GASK1A: variants seen among roughly 807,000 people sequenced by gnomAD.
GASK1A encodes the protein Golgi-associated kinase 1A.
Under a neutral mutation model 41.2 loss-of-function variants are expected in GASK1A, and 40 were observed. The observed-to-expected ratio is 0.97, with a 90% CI of 0.75 to 1.27. GASK1A has a LOEUF of 1.27. Among genes scored for constraint, GASK1A ranks in the 50% most tolerant of loss-of-function variants. The probability of loss-of-function intolerance (pLI) is 0.00; values close to 1 mark genes in which losing one functional copy is unlikely to be tolerated. For synonymous variants in GASK1A, 316 were observed against 307.1 expected, an observed-to-expected ratio of 1.03 and a Z score of -0.30; for missense variants, 678 against 745.1, an observed-to-expected ratio of 0.91 and a Z score of 1.05.
At chr3:42,998,707 C>T (rs1390703953) in intron 1 of GASK1A, among the ~76,000 whole-genome samples, 1 of 152,132 alleles carries the variant, frequency 6.6e-6, no homozygotes, top group African/African-American at 2.4e-5. Flanking sequence ...GCCCTCTCCT[C>T]CTGGTGGCTC....
intron 1 of GASK1A, among the ~76,000 whole-genome samples, chr3:43,027,022 T>C (rs1312413174): frequency 6.6e-6 from 1 of 152,098 alleles, no homozygotes; most frequent in Non-Finnish European, 1.5e-5. Context: ...CCAGGCAGGG[T>C]AAAAAATCAG....
At chr3:42,981,123 A>G (rs1242166741) in intron 1 of GASK1A, among the ~76,000 whole-genome samples, 2 of 152,142 alleles carry the variant, frequency 1.3e-5, no homozygotes, top group Non-Finnish European at 2.9e-5. Flanking sequence ...TCTGTGAGTC[A>G]TTGCAGCTTC....
chr3:43,006,726 T>C (rs1483928110), intron 1 of GASK1A, among the ~76,000 whole-genome samples: 1 of 152,206 alleles, frequency 6.6e-6, no homozygotes, highest in Non-Finnish European at 1.5e-5. Flanking sequence ...TGGAGGCTTA[T>C]GTGCTGTTAT....
intron 2 of GASK1A, among the ~76,000 whole-genome samples, chr3:43,040,045 G>T (rs921593171): frequency 6.6e-6 from 1 of 152,082 alleles, no homozygotes; most frequent in African/African-American, 2.4e-5. Flanking sequence ...AAATGACCAG[G>T]ATTTTCTCTG....
chr3:42,983,258 G>A (rs1559394987), intron 1 of GASK1A, among the ~76,000 whole-genome samples: 1 of 152,120 alleles, frequency 6.6e-6, no homozygotes, highest in Non-Finnish European at 1.5e-5. Flanking sequence ...GAGTCATGGA[G>A]GTGAAAATAC....
intron 1 of GASK1A, among the ~76,000 whole-genome samples, chr3:43,010,989 C>A (rs2089460566): frequency 6.6e-6 from 1 of 152,192 alleles, no homozygotes; most frequent in Non-Finnish European, 1.5e-5. Context: ...ACTCCCCCCT[C>A]TCCACCCACC....
intron 1 of GASK1A, among the ~76,000 whole-genome samples, chr3:43,006,667 T>C (rs565521): frequency 0.38 from 57,700 of 152,074 alleles, 11,436 homozygotes; most frequent in East Asian, 0.56. Context: ...TTTACAATGA[T>C]GTGCCTTGGT....
chr3:43,008,653 A>G (rs771745282), intron 1 of GASK1A, among the ~76,000 whole-genome samples: 7 of 152,254 alleles, frequency 4.6e-5, no homozygotes, highest in Non-Finnish European at 8.8e-5. Flanking sequence ...GCTGCCAGGC[A>G]TCTGCCCAGG....
Position 43,056,348 on chromosome 3 carries a change from A to G in GASK1A, c.1690A>G (p.Lys564Glu), listed in dbSNP as rs1559409264. Residue 564 changes from lysine to glutamate, a missense_variant, in exon 5 of 5, where the codon AAG becomes GAG. By Grantham distance (56) the Lys-to-Glu change is moderately conservative. Coordinates refer to ENST00000430121, the MANE Select transcript of GASK1A (RefSeq NM_001129908.3). ...RGQVLLGHIQ[K>E]HNLTLFRDED... Reference sequence around the variant, plus strand: ...ACAGGTGCTGCTGGGACACATCCAAAAGCACAACCTCACACTCTTCAGGGA... The same window carrying G: ...ACAGGTGCTGCTGGGACACATCCAAGAGCACAACCTCACACTCTTCAGGGA... The G allele has an allele frequency of 1.9e-6, 3 of 1,551,022 alleles. No homozygotes were observed. The highest frequency in any genetic ancestry group is 1.2e-5 in the South Asian group (1 of 84,014).
At chr3:43,007,904 C>T (rs2089444745) in intron 1 of GASK1A, among the ~76,000 whole-genome samples, 1 of 152,180 alleles carries the variant, frequency 6.6e-6, no homozygotes, top group Admixed American at 6.5e-5. Context: ...CTTTAGGAGC[C>T]TTGGTTGGCT....
In GASK1A at chr3:43,055,509, C is replaced by T; in HGVS notation, c.1491C>T (p.Asn497=). ...GNLQHPEDKL[N]FRLLEGIDGF... ...TTCAGCACCCTGAGGACAAGCTGAA[C>T]TTTCGGCTGCTGGAGGGCATAGATG... The change falls in exon 4 of 5, where the codon AAC becomes AAT. Residue 497 remains asparagine (N), a synonymous_variant. Transcript: ENST00000430121. 6.4e-7 allele frequency: 1 copy of T among 1,552,000 alleles called. No individual in the cohort carries two copies. Among genetic ancestry groups the T allele is most frequent in the Non-Finnish European group, 8.7e-7 (1 of 1,147,016 alleles).
chr3:43,002,981 G>T (rs2089417852), intron 1 of GASK1A, among the ~76,000 whole-genome samples: 1 of 152,064 alleles, frequency 6.6e-6, no homozygotes, highest in Non-Finnish European at 1.5e-5. Flanking sequence ...AGGATGACAG[G>T]TGTTCATTAT....
In GASK1A at chr3:42,979,626, G is replaced by A. The variant is rs1223468627; in HGVS notation, c.-17G>A. ...GGCTGAGCGCGCCGAGGAGCCGGCC[G>A]GGGCACCGCCGGGGACATGGTAGGA... On this transcript the variant is annotated 5_prime_UTR_variant, in exon 1 of 5. Coordinates refer to ENST00000430121, the MANE Select transcript of GASK1A (RefSeq NM_001129908.3). The A allele has an allele frequency of 4.0e-6, 5 of 1,243,618 alleles. No individual in the cohort carries two copies. In the African/African-American group the frequency reaches 4.7e-5, roughly 12 times the overall value. 77.0% of individuals were successfully genotyped at this position (1,243,618 alleles called of 1,614,324 possible).
intron 2 of GASK1A, among the ~76,000 whole-genome samples, chr3:43,049,944 T>G (rs923942200): frequency 2.0e-5 from 3 of 150,344 alleles, no homozygotes; most frequent in African/African-American, 7.3e-5. Flanking sequence ...TTTTATGCTA[T>G]TCTTGTCACA....
At chr3:43,037,477 A>T in intron 2 of GASK1A, 1 of 605,984 alleles carries the variant, frequency 1.7e-6, no homozygotes, top group Non-Finnish European at 3.0e-6. Context: ...AGAGTGAAGG[A>T]TGCTGGAAGG....
chr3:43,056,193 T>G lies in GASK1A; in HGVS notation c.1535T>G (p.Val512Gly). The G allele has an allele frequency of 1.3e-6, 2 of 1,551,208 alleles. No individual in the cohort carries two copies. The highest frequency in any genetic ancestry group is 1.7e-6 in the Non-Finnish European group (2 of 1,146,594). ...TGCTCCAGGTTTCCTGAGTCTGCCGTGAAGGTTCTCGCATCAGGGTGTCTA... is the reference window on the plus strand; with the variant it reads ...TGCTCCAGGTTTCCTGAGTCTGCCGGGAAGGTTCTCGCATCAGGGTGTCTA... ...EGIDGFPESA[V>G]KVLASGCLQN... The change falls in exon 5 of 5, where the codon GTG becomes GGG. Residue 512 changes from valine (V) to glycine (G), a missense_variant. Val to Gly is a moderately radical substitution (Grantham distance 109). Coordinates refer to ENST00000430121, the MANE Select transcript of GASK1A (RefSeq NM_001129908.3).
chr3:43,007,873 A>G (rs1183790497), intron 1 of GASK1A, among the ~76,000 whole-genome samples: 11 of 152,232 alleles, frequency 7.2e-5, no homozygotes, highest in Admixed American at 7.2e-4. Context: ...GATATCAGTC[A>G]GACAGCCCAG....
chr3:43,038,059 C>T (rs934594319), intron 2 of GASK1A, among the ~76,000 whole-genome samples: 3 of 152,146 alleles, frequency 2.0e-5, no homozygotes, highest in African/African-American at 7.2e-5. Flanking sequence ...AAATATACAT[C>T]ATACGTACTT....
At chr3:43,043,993 T>C (rs573429223) in intron 2 of GASK1A, among the ~76,000 whole-genome samples, 2 of 152,296 alleles carry the variant, frequency 1.3e-5, no homozygotes, top group East Asian at 3.9e-4. Context: ...TGTGAAACAT[T>C]CAAATGGGTG....
Sources: gnomAD v4.1 joint callset for allele counts (sites outside exome capture counted in the v4.1 genomes callset) on GRCh38, gnomAD v4.1.1 for gene constraint, MANE v1.5 for transcripts, NCBI Gene and HGNC (gene_info 2026-07-23, HGNC 2026-07-21) for gene names.